Variants in CFHR2 observed in about 807,000 individuals in gnomAD.
The protein encoded by CFHR2 is complement factor H-related protein 2.
CFHR2 carries 22 observed loss-of-function variants against 21.7 expected under a neutral mutation model. The observed-to-expected ratio is 1.01, with a 90% CI of 0.72 to 1.45. The LOEUF is 1.45. Among genes scored for constraint, CFHR2 ranks in the 40% most tolerant of loss-of-function variants. The probability of loss-of-function intolerance (pLI) is 0.00; values close to 1 mark genes in which losing one functional copy is unlikely to be tolerated. For missense variants in CFHR2, 294 were observed against 293.3 expected, an observed-to-expected ratio of 1.00 and a Z score of -0.02; for synonymous variants, 98 against 97.4, an observed-to-expected ratio of 1.01 and a Z score of -0.04.
chr1:196,958,663 T>C (rs1652995680), intron 4 of CFHR2, among the ~76,000 whole-genome samples: 1 of 152,058 alleles, frequency 6.6e-6, no homozygotes, highest in Non-Finnish European at 1.5e-5. Context: ...TCTTCAGTGA[T>C]AACATCTAAT....
At chr1:196,946,515 G>A in intron 1 of CFHR2, among the ~76,000 whole-genome samples, 1 of 151,888 alleles carries the variant, frequency 6.6e-6, no homozygotes, top group Non-Finnish European at 1.5e-5. Flanking sequence ...CTGTTCTTGT[G>A]CTATAAGCTT....
In CFHR2 at chr1:196,958,846, C is replaced by A. The variant is rs749654444; in HGVS notation, c.614-35C>A. Reference sequence around the variant, plus strand: ...TGAGTCTATGAAGATTTGCATACTACTTAATGTTTTATGTTCATTTTTTTC... The same window carrying A: ...TGAGTCTATGAAGATTTGCATACTAATTAATGTTTTATGTTCATTTTTTTC... On this transcript the variant is annotated intron_variant, in intron 4 of 4. Transcript: ENST00000367415. The A allele has an allele frequency of 3.7e-6, 5 of 1,366,918 alleles. No homozygotes were observed. The East Asian group carries it at 9.3e-5, about 26-fold the overall frequency. The allele number at this position is 1,366,918 out of a possible 1,614,324, so 84.7% of individuals were successfully genotyped here. A position where few individuals can be genotyped will look rare whatever the true frequency, so the allele number is the denominator to read the frequency against.
At chr1:196,958,241 A>G (rs1197701714) in intron 4 of CFHR2, among the ~76,000 whole-genome samples, 168 bp downstream of exon 4, 1 of 152,074 alleles carries the variant, frequency 6.6e-6, no homozygotes, top group Non-Finnish European at 1.5e-5. Context: ...TTTTCTCTTT[A>G]TATTTATATT....
At chr1:196,958,647 T>C (rs1054920033) in intron 4 of CFHR2, among the ~76,000 whole-genome samples, 2 of 152,076 alleles carry the variant, frequency 1.3e-5, no homozygotes, top group African/African-American at 2.4e-5. Flanking sequence ...CAATTGATGT[T>C]ATGAATCTTC....
intron 3 of CFHR2, among the ~76,000 whole-genome samples, chr1:196,953,371 C>A (rs1652726877): frequency 6.6e-6 from 1 of 152,070 alleles, no homozygotes; most frequent in Non-Finnish European, 1.5e-5. Context: ...CAAATTCTAC[C>A]TTCAAAGTTC....
chr1:196,953,207 T>A (rs139309793), intron 3 of CFHR2, among the ~76,000 whole-genome samples: 265 of 152,334 alleles, frequency 1.7e-3, no homozygotes, highest in South Asian at 3.1e-3. Flanking sequence ...TAACCTTATA[T>A]GAATAAAGCA....
At chr1:196,951,556 A>T (rs575621763) in intron 3 of CFHR2, among the ~76,000 whole-genome samples, 1 of 152,266 alleles carries the variant, frequency 6.6e-6, no homozygotes, top group South Asian at 2.1e-4. Flanking sequence ...GGTATAAATG[A>T]TGGCACCTCC....
chr1:196,953,531 C>G (rs934850053), intron 3 of CFHR2, among the ~76,000 whole-genome samples: 1 of 152,174 alleles, frequency 6.6e-6, no homozygotes, highest in African/African-American at 2.4e-5. Context: ...GATCCACCAA[C>G]CTTGGTATCC....
rs561982939 is a variant in CFHR2, at chr1:196,945,186, G to A, written c.58+1248G>A. Among the ~76,000 whole-genome samples, 46 of 146,602 alleles carry A rather than the reference G, an allele frequency of 3.1e-4. 6 individuals are homozygous for A. In the South Asian group the frequency reaches 4.6e-3, roughly 15 times the overall value. On this transcript the variant is annotated intron_variant, in intron 1 of 4. Transcript: ENST00000367415. ...CCACCACGCCTAGCCCTTGAAATTC[G>A]TTTTATTTTGTTTTCACTTTTAGTG...
At chr1:196,949,396 C>G in intron 1 of CFHR2, 59 bp from the exon 2 acceptor site, 1 of 1,471,614 alleles carries the variant, frequency 6.8e-7, no homozygotes, top group South Asian at 1.2e-5. Flanking sequence ...AAAATATAGT[C>G]TAGTGATTTA....
At position 196,950,893 on chromosome 1, in the gene CFHR2, T is replaced by A. The variant is rs770355234; in HGVS notation, c.295T>A (p.Ser99Thr). ...FPFVENGHSE[S>T]SGQTHLEGDT... ...TTTTGTGGAAAATGGTCATTCTGAATCTTCAGGACAAACACATCTGGAAGG... is the reference window on the plus strand; with the variant it reads ...TTTTGTGGAAAATGGTCATTCTGAAACTTCAGGACAAACACATCTGGAAGG... Residue 99 changes from serine to threonine, a missense_variant, in exon 3 of 5, where the codon TCT becomes ACT. By Grantham distance (58) the Ser-to-Thr change is moderately conservative (BLOSUM62 1). Transcript: ENST00000367415. The A allele has an allele frequency of 1.2e-6, 2 of 1,613,934 alleles. No individual in the cohort carries two copies. The highest frequency in any genetic ancestry group is 8.5e-7 in the Non-Finnish European group (1 of 1,179,920).
chr1:196,944,997 C>T (rs1353794220), intron 1 of CFHR2, among the ~76,000 whole-genome samples: 7 of 148,962 alleles, frequency 4.7e-5, no homozygotes, highest in Non-Finnish European at 9.0e-5. Context: ...CTGCGTCAGC[C>T]TCCCAAGTGG....
intron 1 of CFHR2, among the ~76,000 whole-genome samples, chr1:196,947,054 C>T (rs949140194): frequency 2.6e-5 from 4 of 151,994 alleles, no homozygotes; most frequent in African/African-American, 9.7e-5. Flanking sequence ...TCTTATGGGT[C>T]CACTGTCACA....
chr1:196,953,911 A>T lies in CFHR2; in HGVS notation c.430+2883A>T, dbSNP rs528160906. On this transcript the variant is annotated intron_variant, in intron 3 of 4. Transcript: ENST00000367415. ...AATTATGTAGTTTACATAAGAATTA[A>T]TATATACTTTTATGAACTAACCATT... Among the ~76,000 whole-genome samples, 4 of 152,324 alleles carry T rather than the reference A, an allele frequency of 2.6e-5. No individual in the cohort carries two copies. In the South Asian group the frequency reaches 8.3e-4, roughly 32 times the overall value.
intron 3 of CFHR2, among the ~76,000 whole-genome samples, chr1:196,951,324 C>A (rs1191632988): frequency 6.6e-6 from 1 of 152,092 alleles, no homozygotes; most frequent in East Asian, 1.9e-4. Context: ...GGTTAGTTGA[C>A]AAGAAATGGT....
intron 3 of CFHR2, among the ~76,000 whole-genome samples, chr1:196,955,141 TC>T (rs1423716571): frequency 6.6e-6 from 1 of 152,188 alleles, no homozygotes; most frequent in Non-Finnish European, 1.5e-5. Context: ...AATTTCCTAC[TC>T]CAGTTACCCT....
intron 3 of CFHR2, among the ~76,000 whole-genome samples, chr1:196,957,116 T>A (rs1652915002): frequency 6.6e-6 from 1 of 152,158 alleles, no homozygotes; most frequent in Non-Finnish European, 1.5e-5. Flanking sequence ...GTAAGGCTGC[T>A]CTTTTCCTGG....
At chr1:196,949,105 C>T (rs895419890) in intron 1 of CFHR2, among the ~76,000 whole-genome samples, 1 of 152,158 alleles carries the variant, frequency 6.6e-6, no homozygotes, top group African/African-American at 2.4e-5. Flanking sequence ...CCCTGTCACT[C>T]CTCTACTGTA....
At chr1:196,949,161 A>C (rs150482573) in intron 1 of CFHR2, among the ~76,000 whole-genome samples, 181 of 152,292 alleles carry the variant, frequency 1.2e-3, no homozygotes, top group African/African-American at 4.0e-3. Context: ...CTCTGCCTTC[A>C]TTCTTAAATT....
Sources: allele counts gnomAD v4.1 joint callset (sites outside exome capture counted in the v4.1 genomes callset), GRCh38; gene constraint gnomAD v4.1.1; transcripts MANE v1.5; gene names NCBI Gene and HGNC (gene_info 2026-07-23, HGNC 2026-07-21).